NRG3: variants seen among roughly 807,000 people sequenced by gnomAD.
NRG3 encodes neuregulin 3.
NRG3 carries 31 observed loss-of-function variants against 66.9 expected under a neutral mutation model. That is an observed-to-expected ratio of 0.46 (90% CI 0.35 to 0.63). The LOEUF (loss-of-function observed/expected upper bound fraction) is 0.63, where lower values mean the gene tolerates loss of function less well. Among genes scored for constraint, NRG3 ranks in the 20% least tolerant of loss-of-function variants. NRG3 has a pLI of 0.00. For synonymous variants in NRG3, 393 were observed against 359.4 expected, an observed-to-expected ratio of 1.09 and a Z score of -1.06; for missense variants, 910 against 878.9, an observed-to-expected ratio of 1.04 and a Z score of -0.45.
intron 1 of NRG3, among the ~76,000 whole-genome samples, chr10:82,179,954 C>T (rs1426271919): frequency 1.3e-5 from 2 of 151,770 alleles, no homozygotes; most frequent in Non-Finnish European, 2.9e-5. Flanking sequence ...AGTCTTTCTT[C>T]TCCTTGCTTA....
At chr10:81,887,882 A>T (rs1204191909) in intron 1 of NRG3, among the ~76,000 whole-genome samples, 1 of 152,108 alleles carries the variant, frequency 6.6e-6, no homozygotes, top group South Asian at 2.1e-4. Context: ...TATTGATAAT[A>T]TTGTGCTGCT....
At position 82,220,186 on chromosome 10, in the gene NRG3, CTGTGTGTG is replaced by C. The variant is rs60708384; in HGVS notation, c.824-138535_824-138528del. Among the ~76,000 whole-genome samples, 6 of 149,924 alleles carry C rather than the reference CTGTGTGTG, an allele frequency of 4.0e-5. No individual in the cohort carries two copies. The East Asian group carries it at 9.8e-4, about 25-fold the overall frequency. ...TCAATCATGTGGGCATGTATCTTTACTGTGTGTGTGTGTGTGTGTGTGTGTTTATCTGC... is the reference window on the plus strand; with the variant it reads ...TCAATCATGTGGGCATGTATCTTTACTGTGTGTGTGTGTGTGTTTATCTGC... On this transcript the variant is annotated intron_variant, in intron 1 of 8. Transcript: ENST00000372141.
At chr10:82,675,313 G>C (rs1366259287) in intron 2 of NRG3, among the ~76,000 whole-genome samples, 2 of 152,106 alleles carry the variant, frequency 1.3e-5, no homozygotes, top group African/African-American at 2.4e-5. Flanking sequence ...GACAATGGTT[G>C]TTTGTTGCTG....
At chr10:82,269,005 T>TGTATTCACCGTGAA (rs2078450771) in intron 1 of NRG3, among the ~76,000 whole-genome samples, 1 of 152,142 alleles carries the variant, frequency 6.6e-6, no homozygotes. Context: ...AAACATTGTC[T>TGTATTCACCGTGAA]GTATTCACCG....
At chr10:82,413,837 C>T (rs898837124) in intron 2 of NRG3, among the ~76,000 whole-genome samples, 25 of 152,084 alleles carry the variant, frequency 1.6e-4, no homozygotes, top group African/African-American at 6.0e-4. Context: ...TGCTGGTTCC[C>T]AACTTTTCTT....
At chr10:82,969,006 C>G (rs1300077285) in intron 6 of NRG3, among the ~76,000 whole-genome samples, 1 of 152,164 alleles carries the variant, frequency 6.6e-6, no homozygotes, top group Non-Finnish European at 1.5e-5. Flanking sequence ...TTATTCACTA[C>G]CATGAGAACA....
At chr10:82,832,904 G>GTCTT (rs2062599261) in intron 3 of NRG3, among the ~76,000 whole-genome samples, 1 of 151,772 alleles carries the variant, frequency 6.6e-6, no homozygotes, top group African/African-American at 2.4e-5. Flanking sequence ...CAGTACAATG[G>GTCTT]TCTTACAACT....
chr10:82,276,356 T>A (rs2078847933), intron 1 of NRG3, among the ~76,000 whole-genome samples: 1 of 152,020 alleles, frequency 6.6e-6, no homozygotes, highest in African/African-American at 2.4e-5. Flanking sequence ...AAAATGTACT[T>A]CTTATTCTCA....
chr10:82,730,278 G>T (rs2057833389), intron 2 of NRG3, among the ~76,000 whole-genome samples: 1 of 151,718 alleles, frequency 6.6e-6, no homozygotes, highest in Non-Finnish European at 1.5e-5. Flanking sequence ...TAGAGACAGG[G>T]TTTAACTGTG....
intron 3 of NRG3, among the ~76,000 whole-genome samples, chr10:82,863,511 T>C (rs1480465576): frequency 6.6e-6 from 1 of 152,190 alleles, no homozygotes; most frequent in East Asian, 1.9e-4. Context: ...CCACGTCCTC[T>C]CCAGCATCTG....
chr10:82,455,165 G>T (rs2091213155), intron 2 of NRG3, among the ~76,000 whole-genome samples: 1 of 152,146 alleles, frequency 6.6e-6, no homozygotes, highest in African/African-American at 2.4e-5. Flanking sequence ...ATAATAAGCA[G>T]CCATTTACTT....
chr10:81,897,234 C>G (rs1208959705), intron 1 of NRG3, among the ~76,000 whole-genome samples: 1 of 152,096 alleles, frequency 6.6e-6, no homozygotes, highest in Non-Finnish European at 1.5e-5. Flanking sequence ...TAGAAAAGGT[C>G]AGGCACATAA....
intron 1 of NRG3, among the ~76,000 whole-genome samples, chr10:82,308,682 T>C (rs2080872244): frequency 6.6e-6 from 1 of 152,194 alleles, no homozygotes; most frequent in Non-Finnish European, 1.5e-5. Context: ...AATATGTAAC[T>C]CTCAGAAGCT....
intron 1 of NRG3, among the ~76,000 whole-genome samples, chr10:81,996,875 T>TG (rs1251428466): frequency 6.6e-6 from 1 of 152,190 alleles, no homozygotes; most frequent in East Asian, 1.9e-4. Context: ...GTGATTTAGT[T>TG]GAAACTAATT....
chr10:81,903,532 G>A (rs987245989), intron 1 of NRG3, among the ~76,000 whole-genome samples: 1 of 152,222 alleles, frequency 6.6e-6, no homozygotes, highest in Non-Finnish European at 1.5e-5. Context: ...CCAAATTGTT[G>A]CCTCTGGTAT....
chr10:82,264,901 G>A (rs1399811630), intron 1 of NRG3, among the ~76,000 whole-genome samples: 1 of 152,090 alleles, frequency 6.6e-6, no homozygotes, highest in Non-Finnish European at 1.5e-5. Context: ...GAGAAGGGAG[G>A]GAAGTGAGCC....
At chr10:82,887,551 G>T (rs934742051) in intron 4 of NRG3, among the ~76,000 whole-genome samples, 3 of 152,166 alleles carry the variant, frequency 2.0e-5, no homozygotes, top group African/African-American at 7.2e-5. Flanking sequence ...AGCATGACAC[G>T]TATAAATCAC....
At chr10:82,425,019 A>G (rs1279881265) in intron 2 of NRG3, among the ~76,000 whole-genome samples, 1 of 152,118 alleles carries the variant, frequency 6.6e-6, no homozygotes, top group Non-Finnish European at 1.5e-5. Flanking sequence ...TACAAATTCC[A>G]TAGGTCTTGA....
intron 4 of NRG3, among the ~76,000 whole-genome samples, chr10:82,870,760 C>A (rs1427234027): frequency 3.3e-5 from 5 of 152,056 alleles, no homozygotes; most frequent in East Asian, 3.9e-4. Context: ...AGGTCTTTGG[C>A]CCATTTTTTA....
Sources: allele counts gnomAD v4.1 joint callset (sites outside exome capture counted in the v4.1 genomes callset), GRCh38; gene constraint gnomAD v4.1.1; transcripts MANE v1.5; gene names NCBI Gene and HGNC (gene_info 2026-07-23, HGNC 2026-07-21).